The following STYK1 variants were observed in gnomAD, a reference collection of about 807,000 sequenced individuals.
The protein encoded by STYK1 is tyrosine-protein kinase STYK1.
STYK1 carries 46 observed loss-of-function variants against 48.1 expected under a neutral mutation model. The ratio of observed to expected loss-of-function variants is 0.96; its 90% CI spans 0.75 to 1.22. The LOEUF (loss-of-function observed/expected upper bound fraction) is 1.22, where lower values mean the gene tolerates loss of function less well. Among genes scored for constraint, STYK1 ranks in the 50% most tolerant of loss-of-function variants. STYK1 has a pLI of 0.00. For synonymous variants in STYK1, 188 were observed against 189.0 expected, an observed-to-expected ratio of 0.99 and a Z score of 0.04; for missense variants, 527 against 521.1, an observed-to-expected ratio of 1.01 and a Z score of -0.11.
At chr12:10,666,780 T>C (rs35294047) in intron 1 of STYK1, among the ~76,000 whole-genome samples, 44,636 of 152,136 alleles carry the variant, frequency 0.29, 7,862 homozygotes, top group African/African-American at 0.5. Flanking sequence ...ACCTCCACCA[T>C]GTAAGACGTG....
chr12:10,650,070 C>T (rs1056194851), intron 1 of STYK1, among the ~76,000 whole-genome samples: 1 of 136,498 alleles, frequency 7.3e-6, no homozygotes. Flanking sequence ...CGAGATCGCA[C>T]CACTGCACTC....
At chr12:10,635,748 T>C (rs889545867) in intron 2 of STYK1, among the ~76,000 whole-genome samples, 2 of 152,226 alleles carry the variant, frequency 1.3e-5, no homozygotes, top group African/African-American at 4.8e-5. Context: ...GGATTCTTTA[T>C]GTGTATCACT....
At chr12:10,636,756 C>T (rs971451312) in intron 2 of STYK1, among the ~76,000 whole-genome samples, 1 of 152,128 alleles carries the variant, frequency 6.6e-6, no homozygotes, top group Admixed American at 6.5e-5. Context: ...CCAGTTTAAC[C>T]AGTTTGGCTT....
In STYK1 at chr12:10,656,624, C is replaced by CA. The variant is rs35661066; in HGVS notation, c.-195+17341dup. Among the ~76,000 whole-genome samples the CA allele has an allele frequency of 1.5e-4, 23 of 150,942 alleles. No individual in the cohort carries two copies. In the East Asian group the frequency reaches 1.7e-3, roughly 11 times the overall value. On this transcript the variant is annotated intron_variant, in intron 1 of 10. Coordinates refer to ENST00000075503, the MANE Select transcript of STYK1 (RefSeq NM_018423.3). ...TGGGCGATAGAGTGAGACTCCATCT[C>CA]AAAAAAAACAAAAAACAAAAAACAA...
At chr12:10,655,121 C>T (rs749538943) in intron 1 of STYK1, among the ~76,000 whole-genome samples, 2 of 152,168 alleles carry the variant, frequency 1.3e-5, no homozygotes, top group African/African-American at 2.4e-5. Context: ...AGTCTTAATG[C>T]TGTAGTGAAT....
Position 10,657,552 on chromosome 12 carries a change from G to T in STYK1, c.-195+16414C>A, listed in dbSNP as rs1228640285. ...AAATGTCTTCCAAATTTAGACATTT[G>T]GTCTAAATTAGGCAGATCAGATAAT... is the stretch of plus-strand genomic sequence containing the variant. On this transcript the variant is annotated intron_variant, in intron 1 of 10. Coordinates refer to ENST00000075503, the MANE Select transcript of STYK1 (RefSeq NM_018423.3). Among the ~76,000 whole-genome samples, 3 of 152,152 alleles carry T rather than the reference G, an allele frequency of 2.0e-5. No homozygotes were observed. In the East Asian group the frequency reaches 5.8e-4, roughly 29 times the overall value.
chr12:10,654,498 T>A (rs1947696768), intron 1 of STYK1, among the ~76,000 whole-genome samples: 1 of 152,092 alleles, frequency 6.6e-6, no homozygotes, highest in African/African-American at 2.4e-5. Context: ...CTGAGGAGAA[T>A]CCTATGGACC....
intron 1 of STYK1, among the ~76,000 whole-genome samples, chr12:10,638,684 C>T (rs150283756): frequency 6.7e-4 from 102 of 152,312 alleles, no homozygotes; most frequent in African/African-American, 2.2e-3. Flanking sequence ...CTCCCGGACA[C>T]AATCTGCAAT....
At chr12:10,669,031 A>G (rs1947865497) in intron 1 of STYK1, among the ~76,000 whole-genome samples, 1 of 151,960 alleles carries the variant, frequency 6.6e-6, no homozygotes, top group African/African-American at 2.4e-5. Context: ...AAAGCATGAA[A>G]CCTTCATGGG....
chr12:10,622,720 T>C lies in STYK1; in HGVS notation c.927-42A>G, dbSNP rs564608717. 4.3e-5 allele frequency: 70 copies of C among 1,612,672 alleles called. No individual in the cohort carries two copies. In the South Asian group the frequency reaches 7.4e-4, roughly 17 times the overall value. On this transcript the variant is annotated intron_variant, in intron 8 of 10. Transcript: ENST00000075503. Reference sequence around the variant, plus strand: ...GCCATCTATTTAATTTCTATTTCTGTTTTTCTAAAGAGAGCTCATTTAAGT... The same window carrying C: ...GCCATCTATTTAATTTCTATTTCTGCTTTTCTAAAGAGAGCTCATTTAAGT...
Position 10,634,702 on chromosome 12 carries a change from T to C in STYK1, c.-68-16A>G. ...TGAGTAATTCCTAAGGATTGAGTGG[T>C]TTTTGAAAAAAATAAAATGAATGAA... On this transcript the variant is annotated splice_polypyrimidine_tract_variant and intron_variant, in intron 2 of 10. Coordinates refer to ENST00000075503, the MANE Select transcript of STYK1 (RefSeq NM_018423.3). 1.3e-6 allele frequency: 2 copies of C among 1,499,448 alleles called. No individual in the cohort carries two copies. Among genetic ancestry groups the C allele is most frequent in the South Asian group, 2.4e-5 (2 of 82,988 alleles). The allele number at this position is 1,499,448 out of a possible 1,614,324, so 92.9% of individuals were successfully genotyped here. A position where few individuals can be genotyped will look rare whatever the true frequency, so the allele number is the denominator to read the frequency against.
intron 1 of STYK1, among the ~76,000 whole-genome samples, chr12:10,655,020 T>A (rs1191969408): frequency 6.6e-6 from 1 of 152,170 alleles, no homozygotes. Context: ...TCCCTTCCCT[T>A]TCCTCCCTCT....
chr12:10,650,319 TA>T (rs1947649243), intron 1 of STYK1, among the ~76,000 whole-genome samples: 2 of 152,110 alleles, frequency 1.3e-5, no homozygotes, highest in African/African-American at 2.4e-5. Context: ...GGATTTATCT[TA>T]ATCTATTGAA....
chr12:10,639,689 C>A (rs905405713), intron 1 of STYK1, among the ~76,000 whole-genome samples: 1 of 152,158 alleles, frequency 6.6e-6, no homozygotes, highest in African/African-American at 2.4e-5. Flanking sequence ...ACTGGGATTA[C>A]AGGCGTGAGC....
At chr12:10,651,783 T>C (rs1290379555) in intron 1 of STYK1, among the ~76,000 whole-genome samples, 1 of 152,208 alleles carries the variant, frequency 6.6e-6, no homozygotes, top group African/African-American at 2.4e-5. Context: ...TTACAGAAAA[T>C]CTTACTTATG....
chr12:10,623,299 C>G (rs1947318858), intron 8 of STYK1, among the ~76,000 whole-genome samples: 1 of 152,152 alleles, frequency 6.6e-6, no homozygotes, highest in East Asian at 1.9e-4. Context: ...TATTGAAAAG[C>G]AGATGTCAGT....
chr12:10,647,512 T>G (rs1947613354), intron 1 of STYK1, among the ~76,000 whole-genome samples: 1 of 152,222 alleles, frequency 6.6e-6, no homozygotes, highest in African/African-American at 2.4e-5. Flanking sequence ...TTTACAGGCT[T>G]ACAGGTGGAA....
At chr12:10,625,053 A>G (rs1466706487) in intron 7 of STYK1, among the ~76,000 whole-genome samples, 194 bp from the exon 8 acceptor site, 1 of 152,228 alleles carries the variant, frequency 6.6e-6, no homozygotes, top group African/African-American at 2.4e-5. Context: ...AGGATTACCA[A>G]ATTGAGCAAA....
chr12:10,644,648 TA>T (rs996313222), intron 1 of STYK1, among the ~76,000 whole-genome samples: 3 of 151,648 alleles, frequency 2.0e-5, no homozygotes, highest in Admixed American at 2.0e-4. Flanking sequence ...GTAGTGACAG[TA>T]AAAAAAAGAA....
Sources: gnomAD v4.1 joint callset for allele counts (sites outside exome capture counted in the v4.1 genomes callset) on GRCh38, gnomAD v4.1.1 for gene constraint, MANE v1.5 for transcripts, NCBI Gene and HGNC (gene_info 2026-07-23, HGNC 2026-07-21) for gene names.